COPG2: variants seen among roughly 807,000 people sequenced by gnomAD.
COPG2 encodes the protein coatomer subunit gamma-2.
A neutral mutation model predicts 46.3 loss-of-function variants in COPG2; 37 were observed. The ratio of observed to expected loss-of-function variants is 0.80; its 90% CI spans 0.61 to 1.05. The LOEUF is 1.05. COPG2 is among the 50% of genes least tolerant of loss of function. COPG2 has a pLI of 0.00. For missense variants in COPG2, 427 were observed against 387.8 expected (o/e 1.10, Z -0.85); for synonymous variants, 159 against 129.7 (o/e 1.23, Z -1.53).
intron 12 of COPG2, among the ~76,000 whole-genome samples, chr7:130,556,048 G>C (rs1477543420): frequency 1.3e-5 from 2 of 152,160 alleles, no homozygotes; most frequent in African/African-American, 4.8e-5. Context: ...TGGGTCTCCT[G>C]AGCCCCAATT....
intron 5 of COPG2, 28 bp downstream of exon 5, chr7:130,652,841 T>C (rs781791308): frequency 2.0e-5 from 28 of 1,411,276 alleles, no homozygotes; most frequent in Non-Finnish European, 2.7e-5. Context: ...TATAAGTATC[T>C]CATCCTAGAT....
chr7:130,534,853 A>G, intron 20 of COPG2, among the ~76,000 whole-genome samples: 1 of 152,128 alleles, frequency 6.6e-6, no homozygotes, highest in Non-Finnish European at 1.5e-5. Flanking sequence ...GTAAATGGAA[A>G]TAATGGAGAT....
At chr7:130,580,125 CAG>C (rs1794103860) in intron 9 of COPG2, among the ~76,000 whole-genome samples, 1 of 151,952 alleles carries the variant, frequency 6.6e-6, no homozygotes, top group African/African-American at 2.4e-5. Context: ...TGTAAAAGAA[CAG>C]AGATTATAAC....
At chr7:130,550,847 G>A (rs1793526993) in intron 16 of COPG2, among the ~76,000 whole-genome samples, 198 bp from the exon 17 acceptor site, 1 of 152,108 alleles carries the variant, frequency 6.6e-6, no homozygotes, top group Non-Finnish European at 1.5e-5. Context: ...TTTCATTCAA[G>A]GAAACATGGG....
At chr7:130,589,424 T>C (rs1344037378) in intron 9 of COPG2, among the ~76,000 whole-genome samples, 1 of 152,082 alleles carries the variant, frequency 6.6e-6, no homozygotes, top group Admixed American at 6.5e-5. Context: ...GCTGGTACTA[T>C]AGGTGCTCAC....
intron 3 of COPG2, among the ~76,000 whole-genome samples, chr7:130,665,704 C>G (rs1286401896): frequency 6.6e-6 from 1 of 151,990 alleles, no homozygotes; most frequent in Non-Finnish European, 1.5e-5. Context: ...ACTTGAGCAT[C>G]TATGGACTTT....
At chr7:130,645,337 C>A in intron 5 of COPG2, 1 of 572,220 alleles carries the variant, frequency 1.7e-6, no homozygotes. Flanking sequence ...AGCACAGTTG[C>A]CTTCTACTAC....
Position 130,561,048 on chromosome 7 carries a change from G to A in COPG2, c.1113C>T (p.Ile371=), listed in dbSNP as rs1055358533. 32 of 398,562 alleles carry A rather than the reference G, an allele frequency of 8.0e-5. No homozygotes were observed. The highest frequency in any genetic ancestry group is 6.2e-4 in the African/African-American group (30 of 48,742). 24.7% of individuals were successfully genotyped at this position (398,562 alleles called of 1,614,324 possible). Residue 371 remains isoleucine, a synonymous_variant, in exon 12 of 24, where the codon ATC becomes ATT. Transcript: ENST00000425248. ...MKQISSFVSE[I]SDEFKVVVVQ... ...AAACTCTTACCTTGAACTCATCTGA[G>A]ATTTCAGACACAAAAGAAGATATCT...
intron 23 of COPG2, among the ~76,000 whole-genome samples, 174 bp downstream of exon 23, chr7:130,507,100 T>C (rs1353253581): frequency 4.6e-5 from 7 of 152,198 alleles, no homozygotes; most frequent in African/African-American, 1.7e-4. Flanking sequence ...AATGTACATC[T>C]TAAAAGAATA....
At chr7:130,523,968 G>T (rs1799751525) in intron 20 of COPG2, among the ~76,000 whole-genome samples, 1 of 152,046 alleles carries the variant, frequency 6.6e-6, no homozygotes. Context: ...CGGGGCAGGG[G>T]GATGAGGGTG....
intron 9 of COPG2, among the ~76,000 whole-genome samples, chr7:130,578,294 G>C (rs1366546700): frequency 2.0e-5 from 3 of 149,402 alleles, no homozygotes; most frequent in African/African-American, 7.4e-5. Flanking sequence ...GGTCCTGTCT[G>C]TTAGAAGGAA....
intron 20 of COPG2, among the ~76,000 whole-genome samples, chr7:130,514,471 G>A (rs1369326258): frequency 6.6e-6 from 1 of 152,176 alleles, no homozygotes; most frequent in Non-Finnish European, 1.5e-5. Flanking sequence ...ACTCTTAGAA[G>A]TTACTCTGTC....
rs547607827 is a variant in COPG2 at position 130,668,230 on chromosome 7, C to T, written c.37+402G>A. On this transcript the variant is annotated intron_variant, in intron 1 of 23. Coordinates refer to ENST00000425248, the MANE Select transcript of COPG2 (RefSeq NM_012133.6). ...AACGTTCCTCCACACACACCCTGTG[C>T]CGTCGACCCCAGCCCCGGGAACAGG... Among the ~76,000 whole-genome samples the T allele has an allele frequency of 1.2e-3, 179 of 152,266 alleles. 1 individual carries two copies. Among genetic ancestry groups the T allele is most frequent in the Non-Finnish European group, 1.0e-3 (70 of 67,996 alleles).
At position 130,506,740 on chromosome 7, in the gene COPG2, A is replaced by G. The variant is rs782720007; in HGVS notation, c.2552T>C (p.Met851Thr). The G allele has an allele frequency of 1.3e-6, 1 of 780,670 alleles. No homozygotes were observed. The highest frequency in any genetic ancestry group is 1.3e-5 in the South Asian group (1 of 74,616). 48.4% of individuals were successfully genotyped at this position (780,670 alleles called of 1,614,324 possible). A position where few individuals can be genotyped will look rare whatever the true frequency, so the allele number is the denominator to read the frequency against. ...SRLALADGVT[M>T]QVTVRSKERT... is the part of the protein sequence containing the mutation. The stretch of plus-strand genomic sequence containing the variant: ...CTCTTTACTTCTGACAGTCACCTGC[A>G]TGGTCACTCCATCGGCTAAGGCCAG... Residue 851 changes from methionine (M) to threonine (T), a missense_variant, in exon 24 of 24, where the codon ATG becomes ACG. Physicochemically the swap from Met to Thr is moderately conservative, Grantham distance 81. Coordinates refer to ENST00000425248, the MANE Select transcript of COPG2 (RefSeq NM_012133.6).
chr7:130,622,975 C>T (rs782009309), intron 5 of COPG2, among the ~76,000 whole-genome samples: 5 of 152,306 alleles, frequency 3.3e-5, no homozygotes, highest in Admixed American at 6.5e-5. Context: ...TCTATGAGTA[C>T]GGTAGCACTT....
chr7:130,622,311 G>A (rs1320836714), intron 5 of COPG2, among the ~76,000 whole-genome samples: 1 of 152,068 alleles, frequency 6.6e-6, no homozygotes, highest in Non-Finnish European at 1.5e-5. Flanking sequence ...ATACTTCTGG[G>A]GAGTATACAC....
chr7:130,615,531 A>G (rs1554452728), intron 6 of COPG2, among the ~76,000 whole-genome samples: 1 of 152,192 alleles, frequency 6.6e-6, no homozygotes, highest in African/African-American at 2.4e-5. Context: ...TTTTTCCTCA[A>G]GTTATACTCT....
chr7:130,520,408 G>C (rs1399945566), intron 20 of COPG2, among the ~76,000 whole-genome samples: 1 of 152,158 alleles, frequency 6.6e-6, no homozygotes, highest in Non-Finnish European at 1.5e-5. Context: ...AATATGCAAG[G>C]TATGAAACAG....
At chr7:130,565,041 A>T (rs1332250525) in intron 9 of COPG2, among the ~76,000 whole-genome samples, 8 of 152,228 alleles carry the variant, frequency 5.3e-5, no homozygotes, top group African/African-American at 1.9e-4. Context: ...AAATTTGAGA[A>T]ATGAGATGTC....
Sources: allele counts gnomAD v4.1 joint callset (sites outside exome capture counted in the v4.1 genomes callset), GRCh38; gene constraint gnomAD v4.1.1; transcripts MANE v1.5; gene names NCBI Gene and HGNC (gene_info 2026-07-23, HGNC 2026-07-21).